USH2A: variants seen among roughly 807,000 people sequenced by gnomAD.
The protein encoded by USH2A is usherin.
Under a neutral mutation model 538.9 loss-of-function variants are expected in USH2A, and 443 were observed. That is an observed-to-expected ratio of 0.82 (90% CI 0.76 to 0.89). The LOEUF (loss-of-function observed/expected upper bound fraction) is 0.89, where lower values mean the gene tolerates loss of function less well. Ranked by LOEUF, USH2A falls within the 40% of genes least tolerant of loss-of-function variation. The pLI is 0.00. For synonymous variants in USH2A, 2,413 were observed against 2,273.5 expected, an observed-to-expected ratio of 1.06 and a Z score of -1.75; for missense variants, 6,633 against 6,324.8, an observed-to-expected ratio of 1.05 and a Z score of -1.65.
Position 215,807,279 on chromosome 1 carries a change from A to G in USH2A, c.9739+6457T>C, listed in dbSNP as rs75652776. On this transcript the variant is annotated intron_variant, in intron 49 of 71. Transcript: ENST00000307340. ...TTTTAGTTCAATGAGACCCATTTCA[A>G]ACTTTTGATATTTGGATGTATAAAG... Among the ~76,000 whole-genome samples, 335 of 152,252 alleles carry G rather than the reference A, an allele frequency of 2.2e-3. 3 individuals are homozygous for G. Among genetic ancestry groups the G allele is most frequent in the African/African-American group, 7.5e-3 (313 of 41,576 alleles).
At chr1:216,150,080 G>T (rs1046375850) in intron 21 of USH2A, among the ~76,000 whole-genome samples, 2 of 151,948 alleles carry the variant, frequency 1.3e-5, no homozygotes, top group Non-Finnish European at 2.9e-5. Context: ...AGGGCTTTAC[G>T]AAGTCACCCC....
chr1:216,285,494 C>A (rs2036863955), intron 11 of USH2A, among the ~76,000 whole-genome samples: 1 of 152,194 alleles, frequency 6.6e-6, no homozygotes, highest in Non-Finnish European at 1.5e-5. Flanking sequence ...GGGCAGAGCC[C>A]TAATGAATGA....
chr1:215,899,883 C>G (rs1352236127), intron 40 of USH2A, among the ~76,000 whole-genome samples, 192 bp downstream of exon 40: 7 of 152,158 alleles, frequency 4.6e-5, no homozygotes, highest in African/African-American at 7.2e-5. Flanking sequence ...CCCTCCAACC[C>G]TCCAAGACCA....
In USH2A at chr1:216,171,042, C is replaced by T. The variant is rs575809926; in HGVS notation, c.4627+4210G>A. On this transcript the variant is annotated intron_variant, in intron 21 of 71. Coordinates refer to ENST00000307340, the MANE Select transcript of USH2A (RefSeq NM_206933.4). ...GCTTTTTTTATAACATCTGATATGA[C>T]CCAATAATTGAATATCTATTTTATG... Among the ~76,000 whole-genome samples, 3 of 152,112 alleles carry T rather than the reference C, an allele frequency of 2.0e-5. No individual in the cohort carries two copies. In the East Asian group the frequency reaches 5.8e-4, roughly 29 times the overall value.
chr1:216,152,687 G>A (rs182634215), intron 21 of USH2A, among the ~76,000 whole-genome samples: 49 of 152,302 alleles, frequency 3.2e-4, no homozygotes, highest in South Asian at 1.2e-3. Context: ...GGACACGCAT[G>A]AAATCCTGTA....
rs371947619 is a variant in USH2A, at chr1:215,952,519, G to T, written c.7120+12798C>A. Among the ~76,000 whole-genome samples, 16 of 152,266 alleles carry T rather than the reference G, an allele frequency of 1.1e-4. No individual in the cohort carries two copies. In the East Asian group the frequency reaches 1.5e-3, roughly 15 times the overall value. ...GCATGGTTTTGCAGTGGCTGGTACT[G>T]GTTGTTCCTTTCCATGTTGAATGCT... On this transcript the variant is annotated intron_variant, in intron 37 of 71. Coordinates refer to ENST00000307340, the MANE Select transcript of USH2A (RefSeq NM_206933.4).
intron 14 of USH2A, among the ~76,000 whole-genome samples, chr1:216,219,300 G>A (rs566441704): frequency 6.6e-5 from 10 of 152,152 alleles, no homozygotes; most frequent in Admixed American, 5.2e-4. Flanking sequence ...CTTGACTTCA[G>A]TAAGAGAGAA....
intron 11 of USH2A, among the ~76,000 whole-genome samples, chr1:216,254,473 C>T (rs1024975711): frequency 6.6e-6 from 1 of 152,048 alleles, no homozygotes; most frequent in Non-Finnish European, 1.5e-5. Flanking sequence ...TCTAGATTGA[C>T]CTATTGGTTT....
chr1:215,813,954 T>C, intron 48 of USH2A, 50 bp from the exon 49 acceptor site: 3 of 1,574,802 alleles, frequency 1.9e-6, no homozygotes, highest in South Asian at 2.2e-5. Flanking sequence ...GTTAAGAGTG[T>C]TATACCACTG....
chr1:215,890,799 A>G (rs943562963), intron 40 of USH2A, among the ~76,000 whole-genome samples: 1 of 152,196 alleles, frequency 6.6e-6, no homozygotes, highest in Non-Finnish European at 1.5e-5. Flanking sequence ...CGAGTCTTGT[A>G]AGATATCAAT....
intron 40 of USH2A, among the ~76,000 whole-genome samples, chr1:215,891,108 A>G (rs1348428521): frequency 6.6e-6 from 1 of 152,208 alleles, no homozygotes; most frequent in African/African-American, 2.4e-5. Context: ...ATATGATGAT[A>G]GTATTATGGG....
chr1:216,066,718 T>G (rs537751647), intron 30 of USH2A, among the ~76,000 whole-genome samples: 9 of 152,310 alleles, frequency 5.9e-5, no homozygotes, highest in African/African-American at 2.2e-4. Flanking sequence ...CAGAGGTTTA[T>G]TGATTTGTCC....
At chr1:215,911,535 C>A (rs1281712977) in intron 38 of USH2A, among the ~76,000 whole-genome samples, 1 of 152,034 alleles carries the variant, frequency 6.6e-6, no homozygotes. Flanking sequence ...ATGACTGGAT[C>A]TCATTCTTTT....
At chr1:216,148,389 A>G (rs974652619) in intron 21 of USH2A, among the ~76,000 whole-genome samples, 1 of 151,720 alleles carries the variant, frequency 6.6e-6, no homozygotes, top group Non-Finnish European at 1.5e-5. Context: ...CTTCTTCCCA[A>G]TCCAAAGCCT....
chr1:216,368,082 A>C (rs1360615044), intron 3 of USH2A, among the ~76,000 whole-genome samples: 2 of 152,204 alleles, frequency 1.3e-5, no homozygotes, highest in East Asian at 1.9e-4. Context: ...GAAAGAAGAT[A>C]CAGAGAAGGT....
intron 55 of USH2A, among the ~76,000 whole-genome samples, chr1:215,768,369 A>G (rs1467191195): frequency 6.6e-6 from 1 of 152,190 alleles, no homozygotes; most frequent in East Asian, 1.9e-4. Flanking sequence ...AAAATTACCC[A>G]TCTCATCCAT....
Position 216,418,575 on chromosome 1 carries a change from G to T in USH2A, c.590C>A (p.Pro197Gln), listed in dbSNP as rs1481098836. 1.2e-6 allele frequency: 2 copies of T among 1,613,114 alleles called. No individual in the cohort carries two copies. The highest frequency in any genetic ancestry group is 2.7e-5 in the African/African-American group (2 of 74,800). Residue 197 changes from proline to glutamine, a missense_variant, in exon 3 of 72, where the codon CCA (proline) becomes CAA (glutamine). Pro to Gln is a moderately conservative substitution (Grantham distance 76). Transcript: ENST00000307340. The part of the protein sequence containing the change: ...YYRTVNGLQP[P>Q]IKVMTLGRIL... ...TCTCCCCAGTGTCATTACTTTTATT[G>T]GAGGTTGCAAACCATTTACTGTGCG... is the stretch of plus-strand genomic sequence containing the variant.
At position 216,177,701 on chromosome 1, in the gene USH2A, G is replaced by A. The variant is rs186388137; in HGVS notation, c.4397-2219C>T. Among the ~76,000 whole-genome samples, 165 of 152,214 alleles carry A rather than the reference G, an allele frequency of 1.1e-3. 1 individual carries two copies. The highest frequency in any genetic ancestry group is 2.0e-3 in the Non-Finnish European group (139 of 68,014). On this transcript the variant is annotated intron_variant, in intron 20 of 71. Coordinates refer to ENST00000307340, the MANE Select transcript of USH2A (RefSeq NM_206933.4). ...TTTGAAGGTTCCTGGGAAACCCTAG[G>A]AGTCACGGAGATTAAGGTTTTCCCT...
chr1:215,728,974 A>G (rs1055981753), intron 60 of USH2A, among the ~76,000 whole-genome samples: 2 of 152,162 alleles, frequency 1.3e-5, no homozygotes, highest in Admixed American at 6.6e-5. Flanking sequence ...TTACCCTTCT[A>G]TGATAAATGG....
Sources: gnomAD v4.1 joint callset for allele counts (sites outside exome capture counted in the v4.1 genomes callset) on GRCh38, gnomAD v4.1.1 for gene constraint, MANE v1.5 for transcripts, NCBI Gene and HGNC (gene_info 2026-07-23, HGNC 2026-07-21) for gene names.